The following LNX1 variants were observed in gnomAD, a reference collection of about 807,000 sequenced individuals.
The protein encoded by LNX1 is E3 ubiquitin-protein ligase LNX.
LNX1 carries 54 observed loss-of-function variants against 68.4 expected under a neutral mutation model. The ratio of observed to expected loss-of-function variants is 0.79; its 90% CI spans 0.63 to 0.99. The LOEUF (loss-of-function observed/expected upper bound fraction) is 0.99, where lower values mean the gene tolerates loss of function less well. LNX1 is among the 50% of genes least tolerant of loss of function. The pLI, the probability that LNX1 is intolerant of heterozygous loss-of-function variation, is 0.00. For missense variants in LNX1, 906 were observed against 926.4 expected, an observed-to-expected ratio of 0.98 and a Z score of 0.29; for synonymous variants, 336 against 350.0, an observed-to-expected ratio of 0.96 and a Z score of 0.45.
chr4:53,589,978 G>T (rs1165495563), intron 1 of LNX1, among the ~76,000 whole-genome samples: 2 of 152,138 alleles, frequency 1.3e-5, no homozygotes, highest in African/African-American at 4.8e-5. Flanking sequence ...TAAACCAGAG[G>T]CAATGTAATC....
chr4:53,600,465 G>A (rs887132173), intron 2 of LNX1, among the ~76,000 whole-genome samples: 1 of 152,074 alleles, frequency 6.6e-6, no homozygotes, highest in African/African-American at 2.4e-5. Context: ...GAAAGGGCAG[G>A]CCCTCAAAAA....
intron 9 of LNX1, among the ~76,000 whole-genome samples, chr4:53,461,875 TAA>T (rs1336009213): frequency 6.6e-6 from 1 of 152,144 alleles, no homozygotes; most frequent in Non-Finnish European, 1.5e-5. Context: ...ATTTTTAACT[TAA>T]GACAATGCTT....
At chr4:53,620,539 A>G (rs1296619426), upstream of LNX1, among the ~76,000 whole-genome samples, 1 of 152,144 alleles carries the variant, frequency 6.6e-6, no homozygotes, top group Non-Finnish European at 1.5e-5. Context: ...CGGGTTGAGG[A>G]TTCAAAACTA....
intron 1 of LNX1, among the ~76,000 whole-genome samples, chr4:53,646,573 T>C (rs1325450894): frequency 6.6e-6 from 1 of 152,194 alleles, no homozygotes; most frequent in Admixed American, 6.5e-5. Context: ...AATGAACAAA[T>C]ATAGGACCAA....
In LNX1 at chr4:53,527,365, C is replaced by T. The variant is rs190354176; in HGVS notation, c.381-19138G>A. 6.4e-4 allele frequency among the ~76,000 whole-genome samples: 97 copies of T among 152,314 alleles called. 2 individuals carry two copies. The East Asian group carries it at 0.018, about 29-fold the overall frequency. On this transcript the variant is annotated intron_variant, in intron 2 of 10. Transcript: ENST00000263925. Reference sequence around the variant, plus strand: ...TATATACTTAGATGTAGAGCACTTTCATAATGTGGTGTGATGCTCCCTATA... The same window carrying T: ...TATATACTTAGATGTAGAGCACTTTTATAATGTGGTGTGATGCTCCCTATA...
intron 2 of LNX1, among the ~76,000 whole-genome samples, chr4:53,545,492 C>T (rs1729043849): frequency 6.6e-6 from 1 of 152,184 alleles, no homozygotes; most frequent in South Asian, 2.1e-4. Context: ...AGGGAAGTTT[C>T]CTCAGCCTCA....
At chr4:53,578,464 T>C (rs973799996) in intron 1 of LNX1, among the ~76,000 whole-genome samples, 9 of 152,340 alleles carry the variant, frequency 5.9e-5, no homozygotes, top group African/African-American at 1.4e-4. Context: ...GGTAAGTATT[T>C]ATATATCTAA....
chr4:53,522,203 A>G (rs544323389), intron 2 of LNX1, among the ~76,000 whole-genome samples: 52 of 152,254 alleles, frequency 3.4e-4, no homozygotes, highest in Admixed American at 2.7e-3. Flanking sequence ...CATCTCTACC[A>G]CAGGTCTTTG....
At chr4:53,616,312 C>G (rs559109350) in intron 2 of LNX1, among the ~76,000 whole-genome samples, 1 of 152,306 alleles carries the variant, frequency 6.6e-6, no homozygotes, top group South Asian at 2.1e-4. Flanking sequence ...CACTTAAAAG[C>G]TCATAGGAGA....
intron 7 of LNX1, among the ~76,000 whole-genome samples, chr4:53,481,262 A>G (rs1579381960): frequency 1.3e-5 from 2 of 152,212 alleles, no homozygotes; most frequent in African/African-American, 2.4e-5. Flanking sequence ...ATGAGCTTCA[A>G]GTGTTTAAAT....
intron 9 of LNX1, among the ~76,000 whole-genome samples, chr4:53,465,744 A>AAAT (rs1313563018): frequency 6.6e-6 from 1 of 151,900 alleles, no homozygotes; most frequent in African/African-American, 2.4e-5. Context: ...TTAAAATGAA[A>AAAT]AATATGTTGC....
intron 2 of LNX1, among the ~76,000 whole-genome samples, chr4:53,519,556 TTAAG>T (rs1316673554): frequency 6.6e-6 from 1 of 151,166 alleles, no homozygotes; most frequent in Non-Finnish European, 1.5e-5. Context: ...CTCAAAGAGG[TTAAG>T]TAATTTATCC....
exon 1 of LNX1, chr4:53,652,434 C>G (rs1369150111): frequency 6.6e-6 from 1 of 152,226 alleles, no homozygotes; most frequent in Non-Finnish European, 1.5e-5. Flanking sequence ...GAGAGTGGTC[C>G]CCTGCAGAGC....
At chr4:53,466,035 T>C (rs1330462997) in intron 9 of LNX1, among the ~76,000 whole-genome samples, 4 of 152,224 alleles carry the variant, frequency 2.6e-5, no homozygotes, top group African/African-American at 9.6e-5. Context: ...GAGGCATTTA[T>C]GATTCCATTG....
At chr4:53,619,936 TTAC>T (rs1165060493), upstream of LNX1, among the ~76,000 whole-genome samples, 1 of 152,212 alleles carries the variant, frequency 6.6e-6, no homozygotes, top group African/African-American at 2.4e-5. Context: ...GCTGGTGTTC[TTAC>T]TAATTAAGAA....
chr4:53,519,684 T>C (rs1299133209), intron 2 of LNX1, among the ~76,000 whole-genome samples: 1 of 152,010 alleles, frequency 6.6e-6, no homozygotes, highest in Non-Finnish European at 1.5e-5. Flanking sequence ...TGCGCGCACA[T>C]GCACACACAC....
intron 9 of LNX1, among the ~76,000 whole-genome samples, chr4:53,475,937 G>A (rs916676751): frequency 1.3e-5 from 2 of 152,168 alleles, no homozygotes; most frequent in Non-Finnish European, 2.9e-5. Flanking sequence ...AACAAAAGGT[G>A]CTTAAACATC....
In LNX1 at chr4:53,481,847, T is replaced by C. The variant is rs1403319350; in HGVS notation, c.1358A>G (p.Glu453Gly). 6.2e-7 allele frequency: 1 copy of C among 1,600,440 alleles called. No individual in the cohort carries two copies. The highest frequency in any genetic ancestry group is 8.5e-7 in the Non-Finnish European group (1 of 1,172,028). The change falls in exon 7 of 11, where the codon GAA becomes GGA. Residue 453 changes from glutamate (E) to glycine (G), a missense_variant. Coordinates refer to ENST00000263925, the MANE Select transcript of LNX1 (RefSeq NM_001126328.3). Reference protein sequence around the residue: ...ESAAHLIQASERRVHLVVSRQ... With the variant: ...ESAAHLIQASGRRVHLVVSRQ... The stretch of plus-strand genomic sequence containing the variant: ...GGACACGACGAGGTGAACACGTCTT[T>C]CACTGGCCTGGGCAAGAAGACACAG...
At chr4:53,483,928 C>A (rs1357811729) in intron 6 of LNX1, among the ~76,000 whole-genome samples, 2 of 152,190 alleles carry the variant, frequency 1.3e-5, no homozygotes, top group Non-Finnish European at 2.9e-5. Flanking sequence ...TCCTAACCCA[C>A]AACACGGCAG....
Sources: gnomAD v4.1 joint callset for allele counts (sites outside exome capture counted in the v4.1 genomes callset) on GRCh38, gnomAD v4.1.1 for gene constraint, MANE v1.5 for transcripts, NCBI Gene and HGNC (gene_info 2026-07-23, HGNC 2026-07-21) for gene names.